The following UBE3A variants were observed in gnomAD, a reference collection of about 807,000 sequenced individuals.
UBE3A encodes ubiquitin protein ligase E3A.
In UBE3A, 6 loss-of-function variants were observed where a neutral mutation model predicts 83.4. That is an observed-to-expected ratio of 0.07 (90% confidence interval 0.04 to 0.14). UBE3A has a LOEUF of 0.14. Among genes scored for constraint, UBE3A ranks in the 10% least tolerant of loss-of-function variants. The pLI is 1.00. For synonymous variants in UBE3A, 337 were observed against 355.4 expected (o/e 0.95, Z 0.58); for missense variants, 456 against 1,036.1 (o/e 0.44, Z 7.69).
At chr15:25,393,592 A>G (rs1460691423) in intron 4 of UBE3A, among the ~76,000 whole-genome samples, 4 of 152,232 alleles carry the variant, frequency 2.6e-5, no homozygotes, top group South Asian at 4.1e-4. Flanking sequence ...ATTAAGATAT[A>G]AAGAAATTCA....
At chr15:25,368,244 T>C (rs2079650769) in intron 6 of UBE3A, among the ~76,000 whole-genome samples, 1 of 152,158 alleles carries the variant, frequency 6.6e-6, no homozygotes, top group Non-Finnish European at 1.5e-5. Context: ...ACTTCTACTA[T>C]GTGTTACTAA....
rs1383973404 is a variant in UBE3A at position 25,370,290 on chromosome 15, G to C, written c.1608+276C>G. Among the ~76,000 whole-genome samples the C allele has an allele frequency of 1.3e-5, 2 of 152,104 alleles. No individual in the cohort carries two copies. The highest frequency in any genetic ancestry group is 6.5e-5 in the Admixed American group (1 of 15,268). ...TTTGTCCAACACTCTATTCTCTTCT[G>C]AATGAAAGAAACTTTGGATTTAGTT... On this transcript the variant is annotated intron_variant, in intron 6 of 12. Coordinates refer to ENST00000648336, the MANE Select transcript of UBE3A (RefSeq NM_130839.5). This position sits in a 1 kb window ranked among gnomAD's most constrained non-coding sequence, Gnocchi z 4.2.
intron 11 of UBE3A, among the ~76,000 whole-genome samples, chr15:25,350,364 A>G (rs2076326386): frequency 6.6e-6 from 1 of 151,994 alleles, no homozygotes; most frequent in African/African-American, 2.4e-5. Flanking sequence ...CAACACACAC[A>G]TACATCAAAA....
chr15:25,404,448 T>C (rs2087948064), intron 4 of UBE3A, among the ~76,000 whole-genome samples: 1 of 152,192 alleles, frequency 6.6e-6, no homozygotes, highest in African/African-American at 2.4e-5. Flanking sequence ...AAACTTTGCT[T>C]TGATAATTAC....
chr15:25,382,810 T>G (rs1010656948), intron 4 of UBE3A, among the ~76,000 whole-genome samples: 7 of 152,032 alleles, frequency 4.6e-5, no homozygotes, highest in African/African-American at 1.7e-4. Context: ...CTTAAAAGAC[T>G]AATATGAACA....
intron 4 of UBE3A, among the ~76,000 whole-genome samples, chr15:25,377,989 C>T (rs147931980): frequency 1.3e-5 from 2 of 152,214 alleles, no homozygotes; most frequent in African/African-American, 4.8e-5. Flanking sequence ...AGTTTTAAAA[C>T]TTCTTCCATC....
At chr15:25,373,376 C>T (rs2080631203) in intron 5 of UBE3A, 1 of 152,224 alleles carries the variant, frequency 6.6e-6, no homozygotes, top group Non-Finnish European at 1.5e-5. Context: ...TCTAGACTCA[C>T]ATGTCCTTTG....
rs1036084619 is a variant in UBE3A, at chr15:25,339,087, TTTC to T, written c.*47_*49del. 8.8e-6 allele frequency: 13 copies of T among 1,481,244 alleles called. No homozygotes were observed. Among genetic ancestry groups the T allele is most frequent in the Middle Eastern group, 2.4e-4 (1 of 4,088 alleles). 91.8% of individuals were successfully genotyped at this position (1,481,244 alleles called of 1,614,324 possible). A position where few individuals can be genotyped will look rare whatever the true frequency, so the allele number is the denominator to read the frequency against. On this transcript the variant is annotated 3_prime_UTR_variant, in exon 13 of 13. Transcript: ENST00000648336. ...TATATTTTTAAAATTTTTTAAATTTTTTCTTTTTTTTTCCTTCCTTTTTTTTGT... is the reference window on the plus strand; with the variant it reads ...TATATTTTTAAAATTTTTTAAATTTTTTTTTTTTTCCTTCCTTTTTTTTGT...
At chr15:25,434,179 C>T (rs1894316798) in intron 1 of UBE3A, among the ~76,000 whole-genome samples, 1 of 152,118 alleles carries the variant, frequency 6.6e-6, no homozygotes, top group South Asian at 2.1e-4. Flanking sequence ...ATGGCATTTA[C>T]CTGTTATTGA....
At chr15:25,367,309 TA>T (rs1005342177) in intron 6 of UBE3A, among the ~76,000 whole-genome samples, 89 of 142,978 alleles carry the variant, frequency 6.2e-4, no homozygotes, top group Non-Finnish European at 9.1e-4. Context: ...CATATTAAAT[TA>T]AATTACATAT....
chr15:25,418,743 A>G (rs959757500), intron 1 of UBE3A: 2 of 152,152 alleles, frequency 1.3e-5, no homozygotes, highest in Non-Finnish European at 2.9e-5. Context: ...AATAGAAGCC[A>G]TTCCACATGC....
At chr15:25,345,814 AAG>A (rs988815218) in intron 11 of UBE3A, 1 of 152,204 alleles carries the variant, frequency 6.6e-6, no homozygotes, top group Non-Finnish European at 1.5e-5. Flanking sequence ...GAAAAAAAGG[AAG>A]ACATGACACA....
At chr15:25,436,199 A>AT (rs1330951657) in intron 1 of UBE3A, among the ~76,000 whole-genome samples, 1 of 152,252 alleles carries the variant, frequency 6.6e-6, no homozygotes, top group Non-Finnish European at 1.5e-5. Context: ...CTGAACCAAC[A>AT]TAAAAAGAGC....
intron 1 of UBE3A, chr15:25,417,983 C>T (rs1887776256): frequency 6.6e-6 from 1 of 151,858 alleles, no homozygotes; most frequent in Non-Finnish European, 1.5e-5. Flanking sequence ...ATAGAACGTA[C>T]TTACACAAAT....
In UBE3A at chr15:25,364,641, G is replaced by T. The variant is rs866238740; in HGVS notation, c.1609-4114C>A. On this transcript the variant is annotated intron_variant, in intron 6 of 12. Coordinates refer to ENST00000648336, the MANE Select transcript of UBE3A (RefSeq NM_130839.5). ...CACGTGGATTTTTAGGGTTTTTTTT[G>T]TTTGTTTTTTTTTTTTTTTTGAGAC... Among the ~76,000 whole-genome samples the T allele has an allele frequency of 7.6e-3, 1,001 of 132,414 alleles. 6 individuals carry two copies. Among genetic ancestry groups the T allele is most frequent in the African/African-American group, 0.017 (546 of 32,442 alleles). 86.9% of individuals were successfully genotyped at this position (132,414 alleles called of 152,430 possible). A position where few individuals can be genotyped will look rare whatever the true frequency, so the allele number is the denominator to read the frequency against.
At chr15:25,398,182 A>C (rs1351009455) in intron 4 of UBE3A, among the ~76,000 whole-genome samples, 1 of 151,098 alleles carries the variant, frequency 6.6e-6, no homozygotes, top group African/African-American at 2.4e-5. Flanking sequence ...AAAAAAAAAA[A>C]AAAAAAAAAC....
intron 4 of UBE3A, among the ~76,000 whole-genome samples, chr15:25,400,647 G>C (rs143946407): frequency 3.3e-5 from 5 of 152,122 alleles, no homozygotes; most frequent in African/African-American, 1.2e-4. Context: ...ACGGATTTTT[G>C]TATCTTGATT....
chr15:25,383,083 G>A (rs764974051), intron 4 of UBE3A, among the ~76,000 whole-genome samples: 13 of 152,004 alleles, frequency 8.6e-5, no homozygotes, highest in African/African-American at 7.2e-5. Flanking sequence ...CTTAGATATC[G>A]AAATCAGACA....
intron 9 of UBE3A, 75 bp downstream of exon 9, chr15:25,355,817 C>A (rs986801956): frequency 7.9e-6 from 11 of 1,399,628 alleles, no homozygotes; most frequent in South Asian, 1.2e-5. Flanking sequence ...TTAGATACTT[C>A]TTTAAAAATT....
Sources: allele counts gnomAD v4.1 joint callset (sites outside exome capture counted in the v4.1 genomes callset), GRCh38; gene constraint gnomAD v4.1.1; non-coding constraint Gnocchi (gnomAD v3.1); transcripts MANE v1.5; gene names NCBI Gene and HGNC (gene_info 2026-07-23, HGNC 2026-07-21).